Variants in MAP4K4 observed in about 807,000 individuals in gnomAD.
The protein encoded by MAP4K4 is mitogen-activated protein kinase kinase kinase kinase 4.
MAP4K4 carries 38 observed loss-of-function variants against 189.6 expected under a neutral mutation model. The observed-to-expected ratio is 0.20, with a 90% CI of 0.15 to 0.26. The LOEUF (loss-of-function observed/expected upper bound fraction) is 0.26, where lower values mean the gene tolerates loss of function less well. MAP4K4 is among the 10% of genes least tolerant of loss of function. The pLI, the probability that MAP4K4 is intolerant of heterozygous loss-of-function variation, is 1.00. For missense variants in MAP4K4, 1,054 were observed against 1,726.9 expected (o/e 0.61, Z 6.91); for synonymous variants, 610 against 624.3 (o/e 0.98, Z 0.34).
intron 3 of MAP4K4, among the ~76,000 whole-genome samples, chr2:101,801,896 CCCT>C (rs1346217080): frequency 6.6e-6 from 1 of 152,178 alleles, no homozygotes; most frequent in Non-Finnish European, 1.5e-5. Flanking sequence ...GGCAACTCCA[CCCT>C]CCTCATTGCT....
intron 3 of MAP4K4, among the ~76,000 whole-genome samples, chr2:101,795,692 T>C (rs935473108): frequency 6.6e-6 from 1 of 152,226 alleles, no homozygotes; most frequent in East Asian, 1.9e-4. Context: ...CTAAGTATGC[T>C]CATTGCTACT....
chr2:101,811,805 C>G (rs1366712355), intron 3 of MAP4K4, among the ~76,000 whole-genome samples: 1 of 152,166 alleles, frequency 6.6e-6, no homozygotes, highest in Non-Finnish European at 1.5e-5. Context: ...TACTGACCTT[C>G]ATTTTTTTGG....
chr2:101,800,916 C>T (rs1307844860), intron 3 of MAP4K4, among the ~76,000 whole-genome samples: 1 of 152,066 alleles, frequency 6.6e-6, no homozygotes, highest in Non-Finnish European at 1.5e-5. Context: ...ATTGAATATC[C>T]ACAGTTTCTT....
intron 2 of MAP4K4, among the ~76,000 whole-genome samples, chr2:101,745,471 A>G (rs990974288): frequency 6.0e-5 from 9 of 149,812 alleles, no homozygotes; most frequent in Middle Eastern, 3.2e-3. Context: ...ATTAGAATCT[A>G]CATCTTCTGA....
chr2:101,821,503 G>A (rs1051483998), intron 3 of MAP4K4, among the ~76,000 whole-genome samples: 7 of 152,140 alleles, frequency 4.6e-5, no homozygotes, highest in African/African-American at 1.7e-4. Context: ...AAGTAGTTGT[G>A]TATCTAAACA....
intron 3 of MAP4K4, among the ~76,000 whole-genome samples, chr2:101,803,513 T>G (rs1282006163): frequency 6.6e-6 from 1 of 151,890 alleles, no homozygotes; most frequent in African/African-American, 2.4e-5. Context: ...ACCCCTGCCC[T>G]TTTTTTTGCC....
chr2:101,833,378 T>G (rs1377735256), intron 7 of MAP4K4, among the ~76,000 whole-genome samples: 1 of 151,918 alleles, frequency 6.6e-6, no homozygotes, highest in Non-Finnish European at 1.5e-5. Context: ...CCCAGCACTT[T>G]GGGAGGCCGA....
chr2:101,822,380 T>C (rs1411507524), intron 3 of MAP4K4, among the ~76,000 whole-genome samples: 4 of 152,218 alleles, frequency 2.6e-5, no homozygotes, highest in African/African-American at 7.2e-5. Context: ...CGTTATGTAG[T>C]GCATGACTGT....
Position 101,859,676 on chromosome 2 carries a change from C to T in MAP4K4, c.1516C>T (p.Gln506Ter). 6.2e-7 allele frequency: 1 copy of T among 1,611,478 alleles called. No homozygotes were observed. The highest frequency in any genetic ancestry group is 8.5e-7 in the Non-Finnish European group (1 of 1,178,864). The change falls in exon 15 of 33, where the codon CAG (glutamine) becomes TAG (stop). Residue 506 changes from glutamine (Q) to a stop codon, truncating the protein, a stop_gained. Transcript: ENST00000324219. LOFTEE classifies it high-confidence loss of function. ...ATGGCGGGAGATGGAGGAGCACCGG[C>T]AGGCAGAGAGGCTCCAGAGGCAGTT...
chr2:101,853,350 C>T (rs181965741), intron 12 of MAP4K4, among the ~76,000 whole-genome samples: 1 of 152,212 alleles, frequency 6.6e-6, no homozygotes, highest in Admixed American at 6.5e-5. Context: ...CATATACACA[C>T]GAACAGACAC....
At chr2:101,770,359 C>T (rs966317551) in intron 2 of MAP4K4, among the ~76,000 whole-genome samples, 44 of 149,894 alleles carry the variant, frequency 2.9e-4, no homozygotes, top group African/African-American at 1.1e-3. Flanking sequence ...AGTGATTCTC[C>T]TGCCTCAGCC....
rs200688087 is a variant in MAP4K4, at chr2:101,703,608, ACT to A, written c.123+5073_123+5074del. On this transcript the variant is annotated intron_variant, in intron 2 of 32. Transcript: ENST00000324219. The stretch of plus-strand genomic sequence containing the variant: ...ACTCCAGCCTGGGCAACAGAATGAG[ACT>A]CTGTCTCAAAAAAAAAAAAAAAAAA... Among the ~76,000 whole-genome samples, 164 of 108,396 alleles carry A rather than the reference ACT, an allele frequency of 1.5e-3. 5 individuals are homozygous for A. In the East Asian group the frequency reaches 0.045, roughly 30 times the overall value. 71.1% of individuals were successfully genotyped at this position (108,396 alleles called of 152,430 possible).
chr2:101,850,232 A>G (rs1201532483), intron 12 of MAP4K4, among the ~76,000 whole-genome samples: 1 of 152,152 alleles, frequency 6.6e-6, no homozygotes, highest in Non-Finnish European at 1.5e-5. Context: ...ACAAATCTCA[A>G]AGTTAAATTT....
intron 2 of MAP4K4, among the ~76,000 whole-genome samples, chr2:101,749,656 A>C (rs1332411983): frequency 3.4e-5 from 5 of 147,120 alleles, no homozygotes; most frequent in South Asian, 2.1e-4. Flanking sequence ...CAAAATTGAC[A>C]AATGGGATCT....
chr2:101,792,449 T>C (rs1417422124), intron 3 of MAP4K4, among the ~76,000 whole-genome samples: 1 of 152,188 alleles, frequency 6.6e-6, no homozygotes, highest in Non-Finnish European at 1.5e-5. Context: ...TAAATGTGGT[T>C]TGCCTTCTCT....
intron 5 of MAP4K4, among the ~76,000 whole-genome samples, chr2:101,828,377 G>C (rs980851864): frequency 6.6e-6 from 1 of 152,206 alleles, no homozygotes; most frequent in African/African-American, 2.4e-5. Context: ...GAGAGGAGGT[G>C]CTTTGTTCCT....
rs77435301 is a variant in MAP4K4 at position 101,705,823 on chromosome 2, G to A, written c.123+7285G>A. Among the ~76,000 whole-genome samples the A allele has an allele frequency of 8.0e-3, 1,224 of 152,244 alleles. 17 individuals are homozygous for A. The highest frequency in any genetic ancestry group is 0.028 in the African/African-American group (1,152 of 41,526). On this transcript the variant is annotated intron_variant, in intron 2 of 32. Transcript: ENST00000324219. Reference sequence around the variant, plus strand: ...GTGTGTTAGTGAGCTGGAGAATTGAGGACTGTTGTTTGTGCCTAGTATTTG... The same window carrying A: ...GTGTGTTAGTGAGCTGGAGAATTGAAGACTGTTGTTTGTGCCTAGTATTTG...
chr2:101,842,533 C>T lies in MAP4K4; in HGVS notation c.950-76C>T, dbSNP rs1284422486. Reference sequence around the variant, plus strand: ...CTTGTTTATTTTCTGCCAAGGTGCTCCTGCAGATGCTTGTCTGAACAGGCG... The same window carrying T: ...CTTGTTTATTTTCTGCCAAGGTGCTTCTGCAGATGCTTGTCTGAACAGGCG... On this transcript the variant is annotated intron_variant, in intron 10 of 32. Transcript: ENST00000324219. The T allele has an allele frequency of 2.6e-5, 27 of 1,023,476 alleles. 1 individual carries two copies. The South Asian group carries it at 3.4e-4, about 13-fold the overall frequency. 63.4% of individuals were successfully genotyped at this position (1,023,476 alleles called of 1,614,324 possible).
intron 24 of MAP4K4, 74 bp downstream of exon 24, chr2:101,871,759 G>C: frequency 7.2e-7 from 1 of 1,380,266 alleles, no homozygotes. Flanking sequence ...TTGCAAAGGA[G>C]ACCTTTCCAA....
Sources: gnomAD v4.1 joint callset for allele counts (sites outside exome capture counted in the v4.1 genomes callset) on GRCh38, gnomAD v4.1.1 for gene constraint, MANE v1.5 for transcripts, NCBI Gene and HGNC (gene_info 2026-07-23, HGNC 2026-07-21) for gene names.